GREM2: variants seen among roughly 807,000 people sequenced by gnomAD.
GREM2 encodes gremlin 2, DAN family BMP antagonist.
GREM2 carries 11 observed loss-of-function variants against 14.2 expected under a neutral mutation model. The ratio of observed to expected loss-of-function variants is 0.78; its 90% CI spans 0.49 to 1.28. The LOEUF is 1.28. Ranked by LOEUF, GREM2 falls within the 50% of genes most tolerant of loss-of-function variation. The pLI, the probability that GREM2 is intolerant of heterozygous loss-of-function variation, is 0.00. For missense variants in GREM2, 210 were observed against 218.5 expected, an observed-to-expected ratio of 0.96 and a Z score of 0.24; for synonymous variants, 98 against 97.6, an observed-to-expected ratio of 1.00 and a Z score of -0.02.
At chr1:240,514,513 G>A (rs923454569) in intron 1 of GREM2, among the ~76,000 whole-genome samples, 2 of 152,050 alleles carry the variant, frequency 1.3e-5, no homozygotes, top group Admixed American at 6.5e-5. Context: ...TTAAAGTTAG[G>A]GATACGGATG....
At chr1:240,511,576 C>T (rs925466450) in intron 1 of GREM2, among the ~76,000 whole-genome samples, 1 of 152,086 alleles carries the variant, frequency 6.6e-6, no homozygotes, top group Non-Finnish European at 1.5e-5. Flanking sequence ...CACGGTGAAA[C>T]CCCGTCACTA....
At chr1:240,504,723 C>G (rs1422809970) in intron 1 of GREM2, among the ~76,000 whole-genome samples, 1 of 152,048 alleles carries the variant, frequency 6.6e-6, no homozygotes, top group African/African-American at 2.4e-5. Flanking sequence ...TTCTTTAAAC[C>G]AAAATTAAAG....
At chr1:240,562,113 C>A (rs568433134) in intron 1 of GREM2, among the ~76,000 whole-genome samples, 1 of 152,222 alleles carries the variant, frequency 6.6e-6, no homozygotes, top group African/African-American at 2.4e-5. Context: ...TTCAAAGATT[C>A]TTTACACAAA....
At chr1:240,518,022 C>A (rs1438412478) in intron 1 of GREM2, among the ~76,000 whole-genome samples, 3 of 152,126 alleles carry the variant, frequency 2.0e-5, no homozygotes, top group South Asian at 4.1e-4. Context: ...ACTGCCTAAT[C>A]CCCCAGCTTT....
At chr1:240,611,751 G>A (rs1223798155) in intron 1 of GREM2, 133 bp downstream of exon 1, 1 of 152,566 alleles carries the variant, frequency 6.6e-6, no homozygotes, top group Non-Finnish European at 1.5e-5. Context: ...GGGTGAAACC[G>A]GCGAGACGTC....
At chr1:240,525,607 T>A (rs962821721) in intron 1 of GREM2, among the ~76,000 whole-genome samples, 1 of 151,532 alleles carries the variant, frequency 6.6e-6, no homozygotes, top group African/African-American at 2.4e-5. Context: ...GCCTCCCGAG[T>A]AGTTGGGATT....
At chr1:240,577,979 A>G (rs1454849866) in intron 1 of GREM2, among the ~76,000 whole-genome samples, 1 of 152,168 alleles carries the variant, frequency 6.6e-6, no homozygotes, top group Admixed American at 6.5e-5. Flanking sequence ...GATATGTAGC[A>G]ATAAACCCAA....
At chr1:240,608,005 T>C (rs1332396941) in intron 1 of GREM2, among the ~76,000 whole-genome samples, 1 of 152,222 alleles carries the variant, frequency 6.6e-6, no homozygotes, top group Non-Finnish European at 1.5e-5. Flanking sequence ...ATACTGTTGA[T>C]GATTAATTGT....
intron 1 of GREM2, among the ~76,000 whole-genome samples, chr1:240,521,504 G>A (rs1018009690): frequency 6.6e-6 from 1 of 151,998 alleles, no homozygotes. Flanking sequence ...CCGGGAGGCG[G>A]AGCTTACAGT....
chr1:240,495,282 A>C (rs1677383023), intron 1 of GREM2, among the ~76,000 whole-genome samples: 1 of 152,208 alleles, frequency 6.6e-6, no homozygotes, highest in African/African-American at 2.4e-5. Context: ...TACCTTCTCT[A>C]GGACTCCATG....
At chr1:240,520,230 T>C (rs1036724289) in intron 1 of GREM2, among the ~76,000 whole-genome samples, 1 of 152,236 alleles carries the variant, frequency 6.6e-6, no homozygotes, top group Non-Finnish European at 1.5e-5. Flanking sequence ...CATGGTCAAT[T>C]ACCCTAATTT....
At chr1:240,590,504 A>G (rs1253312209) in intron 1 of GREM2, among the ~76,000 whole-genome samples, 1 of 149,416 alleles carries the variant, frequency 6.7e-6, no homozygotes, top group Non-Finnish European at 1.5e-5. Flanking sequence ...ATCCTGGCTC[A>G]CTGCAACCTC....
chr1:240,604,663 G>C (rs374445432), intron 1 of GREM2, among the ~76,000 whole-genome samples: 4 of 152,084 alleles, frequency 2.6e-5, no homozygotes, highest in African/African-American at 9.6e-5. Flanking sequence ...AATTCTTATA[G>C]AACACCAAAG....
intron 1 of GREM2, among the ~76,000 whole-genome samples, chr1:240,511,837 T>C (rs1230182251): frequency 1.3e-5 from 2 of 152,112 alleles, no homozygotes; most frequent in African/African-American, 2.4e-5. Context: ...TTTAGATACC[T>C]AAGAATGACT....
At chr1:240,600,677 C>G (rs1352367295) in intron 1 of GREM2, among the ~76,000 whole-genome samples, 3 of 151,908 alleles carry the variant, frequency 2.0e-5, no homozygotes, top group Non-Finnish European at 4.4e-5. Context: ...AGAGACGGGG[C>G]TTCACCATGT....
chr1:240,566,677 C>A, intron 1 of GREM2, among the ~76,000 whole-genome samples: 1 of 152,078 alleles, frequency 6.6e-6, no homozygotes, highest in Non-Finnish European at 1.5e-5. Context: ...GGATTAGAGA[C>A]CTTGAAAGAT....
chr1:240,595,631 G>A (rs1679806471), intron 1 of GREM2, among the ~76,000 whole-genome samples: 3 of 152,176 alleles, frequency 2.0e-5, no homozygotes. Flanking sequence ...ATAATGCCCT[G>A]GAAGCCATCT....
intron 1 of GREM2, among the ~76,000 whole-genome samples, chr1:240,559,986 G>A (rs937483792): frequency 2.0e-5 from 3 of 152,118 alleles, no homozygotes; most frequent in Non-Finnish European, 4.4e-5. Context: ...TGAGTCACAG[G>A]AAGTATCAAA....
chr1:240,536,897 A>C (rs958775126), intron 1 of GREM2, among the ~76,000 whole-genome samples: 2 of 152,212 alleles, frequency 1.3e-5, no homozygotes, highest in Non-Finnish European at 2.9e-5. Flanking sequence ...GAAGACAGGG[A>C]GGTTTGGAAG....
Sources: gnomAD v4.1 joint callset for allele counts (sites outside exome capture counted in the v4.1 genomes callset) on GRCh38, gnomAD v4.1.1 for gene constraint, MANE v1.5 for transcripts, NCBI Gene and HGNC (gene_info 2026-07-23, HGNC 2026-07-21) for gene names.